Variants in CLASP1 observed in about 807,000 individuals in gnomAD.
The protein encoded by CLASP1 is CLIP-associating protein 1.
In CLASP1, 38 loss-of-function variants were observed where a neutral mutation model predicts 192.3. That is an observed-to-expected ratio of 0.20 (90% CI 0.15 to 0.26). The LOEUF (loss-of-function observed/expected upper bound fraction) is 0.26. Among genes scored for constraint, CLASP1 ranks in the 10% least tolerant of loss-of-function variants. The pLI is 1.00. For synonymous variants in CLASP1, 691 were observed against 712.8 expected (o/e 0.97, Z 0.49); for missense variants, 1,433 against 1,932.5 (o/e 0.74, Z 4.85).
intron 2 of CLASP1, among the ~76,000 whole-genome samples, chr2:121,591,467 C>T (rs943054834): frequency 2.0e-5 from 3 of 152,170 alleles, no homozygotes; most frequent in South Asian, 2.1e-4. Context: ...CCCACTGCTG[C>T]GGTGTGTGGG....
At chr2:121,620,450 A>C (rs1375358701) in intron 1 of CLASP1, among the ~76,000 whole-genome samples, 1 of 151,870 alleles carries the variant, frequency 6.6e-6, no homozygotes, top group African/African-American at 2.4e-5. Context: ...CCGGGGTTCA[A>C]GCAATTCTCC....
At chr2:121,574,419 G>C (rs1293663041) in intron 2 of CLASP1, among the ~76,000 whole-genome samples, 1 of 151,866 alleles carries the variant, frequency 6.6e-6, no homozygotes, top group African/African-American at 2.4e-5. Flanking sequence ...TGGATCACCT[G>C]AGGTCAGGAG....
rs189747350 is a variant in CLASP1 at position 121,627,477 on chromosome 2, C to T, written c.-285-21297G>A. 3.9e-4 allele frequency among the ~76,000 whole-genome samples: 59 copies of T among 152,252 alleles called. No individual in the cohort carries two copies. The East Asian group carries it at 8.5e-3, about 22-fold the overall frequency. Reference sequence around the variant, plus strand: ...ATCTATTCCACCAAGTATATCAAGACGCTTTCCTGCAAGGCTCTACTTTTC... The same window carrying T: ...ATCTATTCCACCAAGTATATCAAGATGCTTTCCTGCAAGGCTCTACTTTTC... On this transcript the variant is annotated intron_variant, in intron 1 of 39. Transcript: ENST00000263710.
chr2:121,354,806 C>T (rs986208191), intron 37 of CLASP1, among the ~76,000 whole-genome samples: 1 of 152,148 alleles, frequency 6.6e-6, no homozygotes, highest in South Asian at 2.1e-4. Context: ...GGAAAGAACA[C>T]GGCTCTGGAG....
In CLASP1 at chr2:121,377,315, C is replaced by T. The variant is rs34756070; in HGVS notation, c.3642+184G>A. On this transcript the variant is annotated intron_variant, in intron 34 of 39. Coordinates refer to ENST00000263710, the Ensembl canonical transcript of CLASP1. The stretch of plus-strand genomic sequence containing the variant: ...CACATTCTACACATGTATCAAAATA[C>T]CACTTTGTATCCCATAAATGTGTAT... 0.25 allele frequency among the ~76,000 whole-genome samples: 38,231 copies of T among 152,170 alleles called. 7,682 individuals are homozygous for T. The highest frequency in any genetic ancestry group is 0.55 in the African/African-American group (22,980 of 41,492).
intron 39 of CLASP1, among the ~76,000 whole-genome samples, chr2:121,345,672 G>C (rs1031427030): frequency 8.5e-5 from 13 of 152,130 alleles, no homozygotes; most frequent in Admixed American, 2.0e-4. Context: ...AGGAACTGGA[G>C]AACAGAATAA....
chr2:121,556,097 C>T (rs1187548699), intron 2 of CLASP1, among the ~76,000 whole-genome samples: 2 of 148,232 alleles, frequency 1.3e-5, no homozygotes, highest in South Asian at 2.1e-4. Context: ...AAATTCTCGG[C>T]CTCAGCCTTC....
At chr2:121,551,936 C>T (rs949004580) in intron 2 of CLASP1, among the ~76,000 whole-genome samples, 1 of 152,284 alleles carries the variant, frequency 6.6e-6, no homozygotes, top group South Asian at 2.1e-4. Flanking sequence ...CATCACATTA[C>T]CTGAGTTCAA....
intron 2 of CLASP1, among the ~76,000 whole-genome samples, chr2:121,573,382 C>A (rs747230167): frequency 6.6e-6 from 1 of 152,180 alleles, no homozygotes; most frequent in Non-Finnish European, 1.5e-5. Context: ...TTTAGCACGC[C>A]AAGAATGTAT....
Position 121,576,992 on chromosome 2 carries a change from C to T in CLASP1, c.195+28709G>A, listed in dbSNP as rs756366910. Among the ~76,000 whole-genome samples the T allele has an allele frequency of 3.9e-5, 6 of 152,002 alleles. No homozygotes were observed. The South Asian group carries it at 6.2e-4, about 16-fold the overall frequency. ...AGGGACTGGCGGTAATTTTGTTAGGCGTGATAATGGTACCATGGTTATTTT... is the reference window on the plus strand; with the variant it reads ...AGGGACTGGCGGTAATTTTGTTAGGTGTGATAATGGTACCATGGTTATTTT... On this transcript the variant is annotated intron_variant, in intron 2 of 39. Coordinates refer to ENST00000263710, the Ensembl canonical transcript of CLASP1.
chr2:121,374,331 G>A (rs924375834), intron 34 of CLASP1, among the ~76,000 whole-genome samples: 3 of 152,368 alleles, frequency 2.0e-5, no homozygotes, highest in Admixed American at 6.5e-5. Context: ...CTAGATTTTA[G>A]AGGATGTATG....
chr2:121,606,019 G>C lies in CLASP1; in HGVS notation c.-124C>G. The C allele has an allele frequency of 1.3e-6, 1 of 766,664 alleles. No individual in the cohort carries two copies. The highest frequency in any genetic ancestry group is 2.1e-6 in the Non-Finnish European group (1 of 480,006). The allele number at this position is 766,664 out of a possible 1,614,324, so 47.5% of individuals were successfully genotyped here. ...GGTTACTAAGAGCCTGTGTTTCAAA[G>C]ATGCAATCTGGGGAATGGCAACAAT... On this transcript the variant is annotated 5_prime_UTR_variant, in exon 2 of 40. It adds an upstream start codon to the 5' untranslated region. Transcript: ENST00000263710.
exon 19 of CLASP1, chr2:121,447,383 A>G (rs1174072262): frequency 3.2e-6 from 5 of 1,585,836 alleles, no homozygotes; most frequent in Non-Finnish European, 4.3e-6. Context: ...CAGAGCTGAA[A>G]GGCGTCGTGC....
intron 2 of CLASP1, among the ~76,000 whole-genome samples, chr2:121,539,681 G>C (rs1160779424): frequency 6.6e-6 from 1 of 150,770 alleles, no homozygotes; most frequent in Non-Finnish European, 1.5e-5. Context: ...ACTTAAGAAA[G>C]TGAAAGTCAA....
At chr2:121,642,254 CA>C (rs1302991246) in intron 1 of CLASP1, among the ~76,000 whole-genome samples, 1 of 150,386 alleles carries the variant, frequency 6.6e-6, no homozygotes, top group Non-Finnish European at 1.5e-5. Flanking sequence ...CCTGTCTCTA[CA>C]AAAAATACAA....
At chr2:121,631,287 C>CTTTTT (rs769717647) in intron 1 of CLASP1, among the ~76,000 whole-genome samples, 1 of 127,596 alleles carries the variant, frequency 7.8e-6, no homozygotes, top group African/African-American at 2.8e-5. Context: ...TTTAAAATTA[C>CTTTTT]TTTTTTTTTT....
intron 8 of CLASP1, among the ~76,000 whole-genome samples, chr2:121,479,265 C>T (rs1045487913): frequency 6.6e-6 from 1 of 150,610 alleles, no homozygotes; most frequent in South Asian, 2.1e-4. Context: ...TTACAAATGA[C>T]TTGATTTGGT....
intron 39 of CLASP1, among the ~76,000 whole-genome samples, chr2:121,343,740 T>G (rs1398814090): frequency 6.6e-6 from 1 of 152,176 alleles, no homozygotes; most frequent in Non-Finnish European, 1.5e-5. Flanking sequence ...CGAAGATGGA[T>G]GGTAGTGATG....
intron 7 of CLASP1, among the ~76,000 whole-genome samples, chr2:121,504,259 G>A (rs2093867233): frequency 6.6e-6 from 1 of 151,936 alleles, no homozygotes; most frequent in Non-Finnish European, 1.5e-5. Context: ...AGAAAAAAGA[G>A]GCTTTCTCAC....
Sources: gnomAD v4.1 joint callset for allele counts (sites outside exome capture counted in the v4.1 genomes callset) on GRCh38, gnomAD v4.1.1 for gene constraint, MANE v1.5 for transcripts, NCBI Gene and HGNC (gene_info 2026-07-23, HGNC 2026-07-21) for gene names.